Variants in WDPCP observed in about 807,000 individuals in gnomAD.
WDPCP encodes WD repeat-containing and planar cell polarity effector protein fritz homolog.
In WDPCP, 71 loss-of-function variants were observed where a neutral mutation model predicts 93.1. The ratio of observed to expected loss-of-function variants is 0.76; its 90% CI spans 0.63 to 0.93. The LOEUF (loss-of-function observed/expected upper bound fraction) is 0.93. Ranked by LOEUF, WDPCP falls within the 40% of genes least tolerant of loss-of-function variation. WDPCP has a pLI of 0.00. For synonymous variants in WDPCP, 315 were observed against 315.0 expected (o/e 1.00, Z 0.00); for missense variants, 844 against 887.4 (o/e 0.95, Z 0.62).
At chr2:63,359,979 C>G (rs1690319035) in intron 12 of WDPCP, 1 of 152,296 alleles carries the variant, frequency 6.6e-6, no homozygotes, top group African/African-American at 2.4e-5. Flanking sequence ...ACTCGGGAGG[C>G]TGAGGCAGAA....
At chr2:63,242,735 C>A (rs1364048371) in intron 14 of WDPCP, among the ~76,000 whole-genome samples, 2 of 152,150 alleles carry the variant, frequency 1.3e-5, no homozygotes, top group African/African-American at 2.4e-5. Context: ...TGCATAATCA[C>A]CCCAGACTTT....
At chr2:63,402,477 TAAAATA>T (rs766560585) in intron 10 of WDPCP, among the ~76,000 whole-genome samples, 88 of 151,762 alleles carry the variant, frequency 5.8e-4, no homozygotes, top group Middle Eastern at 3.4e-3. Flanking sequence ...GAACTTAAAG[TAAAATA>T]AAAATAAAAA....
At chr2:63,402,240 C>T (rs1694203864) in intron 10 of WDPCP, among the ~76,000 whole-genome samples, 1 of 152,144 alleles carries the variant, frequency 6.6e-6, no homozygotes, top group Admixed American at 6.5e-5. Context: ...ATCACATTTT[C>T]TCATTCATAA....
At chr2:63,361,042 C>T (rs919106035) in intron 12 of WDPCP, among the ~76,000 whole-genome samples, 1 of 152,204 alleles carries the variant, frequency 6.6e-6, no homozygotes, top group Non-Finnish European at 1.5e-5. Context: ...GCATGTCCGT[C>T]TTCCAGCCGC....
At chr2:63,250,674 T>C (rs1462891053) in intron 14 of WDPCP, among the ~76,000 whole-genome samples, 3 of 152,200 alleles carry the variant, frequency 2.0e-5, no homozygotes, top group Non-Finnish European at 4.4e-5. Context: ...GAGGGTTGTA[T>C]GGTCAAAATT....
At chr2:63,354,204 C>T (rs1045726200) in intron 12 of WDPCP, among the ~76,000 whole-genome samples, 1 of 152,192 alleles carries the variant, frequency 6.6e-6, no homozygotes, top group Non-Finnish European at 1.5e-5. Flanking sequence ...TGTCACCAGA[C>T]AAGGAACCCC....
At chr2:63,797,724 T>C (rs1670636743) in intron 2 of WDPCP, among the ~76,000 whole-genome samples, 2 of 151,910 alleles carry the variant, frequency 1.3e-5, no homozygotes, top group East Asian at 1.9e-4. Context: ...GTTACTGGCC[T>C]TGAAGAAATA....
At chr2:63,354,873 G>T (rs1328330177) in intron 12 of WDPCP, among the ~76,000 whole-genome samples, 4 of 152,150 alleles carry the variant, frequency 2.6e-5, no homozygotes, top group Non-Finnish European at 5.9e-5. Context: ...TCGATTATCT[G>T]AAATGACAGT....
intron 2 of WDPCP, among the ~76,000 whole-genome samples, chr2:63,737,962 T>C (rs1304124254): frequency 6.6e-6 from 1 of 152,154 alleles, no homozygotes; most frequent in Non-Finnish European, 1.5e-5. Context: ...AGAATCAAGC[T>C]TGTTACAACT....
At chr2:63,318,207 A>C (rs1267341395) in intron 12 of WDPCP, among the ~76,000 whole-genome samples, 3 of 152,158 alleles carry the variant, frequency 2.0e-5, no homozygotes, top group Non-Finnish European at 4.4e-5. Context: ...AATCAAAACC[A>C]CAATGAGATA....
intron 4 of WDPCP, among the ~76,000 whole-genome samples, chr2:63,485,477 C>T (rs1700519391): frequency 6.6e-6 from 1 of 151,584 alleles, no homozygotes; most frequent in South Asian, 2.1e-4. Flanking sequence ...CATTAAAGCT[C>T]CACATTTTAA....
chr2:63,179,520 C>T (rs1480952461), intron 14 of WDPCP, among the ~76,000 whole-genome samples: 1 of 151,872 alleles, frequency 6.6e-6, no homozygotes, highest in Non-Finnish European at 1.5e-5. Context: ...CCTTGCTCTT[C>T]CCATTTCACC....
chr2:63,749,331 C>G (rs1558901304), intron 2 of WDPCP, among the ~76,000 whole-genome samples: 1 of 152,096 alleles, frequency 6.6e-6, no homozygotes, highest in Non-Finnish European at 1.5e-5. Context: ...CTACACTTCT[C>G]CAAGATCCCT....
At chr2:63,598,893 T>G (rs1314182223) in intron 3 of WDPCP, among the ~76,000 whole-genome samples, 1 of 127,480 alleles carries the variant, frequency 7.8e-6, no homozygotes, top group Non-Finnish European at 1.6e-5. Context: ...TCAAAAGAGG[T>G]ACCAAAAAAA....
intron 10 of WDPCP, among the ~76,000 whole-genome samples, chr2:63,393,371 A>G (rs1693437024): frequency 6.6e-6 from 1 of 151,150 alleles, no homozygotes; most frequent in African/African-American, 2.4e-5. Context: ...AACATCACAC[A>G]CTGGGGCCTG....
chr2:63,184,161 A>G (rs1281196301), intron 14 of WDPCP, among the ~76,000 whole-genome samples: 3 of 152,104 alleles, frequency 2.0e-5, no homozygotes, highest in South Asian at 2.1e-4. Flanking sequence ...TGTTTCTATC[A>G]TAATGTTAAT....
chr2:63,233,412 C>G (rs1679104598), intron 14 of WDPCP: 1 of 217,406 alleles, frequency 4.6e-6, no homozygotes, highest in South Asian at 8.1e-5. Flanking sequence ...GGGACCAACT[C>G]AAAATTAAGT....
chr2:63,522,451 G>GAAAGACACAC lies in WDPCP; in HGVS notation c.76-29512_76-29511insGTGTGTCTTT, dbSNP rs1553420212. ...TAAAGGAAATCAAGACAGACAGACA[G>GAAAGACACAC]ACAGACACACACACACACACACACA... On this transcript the variant is annotated intron_variant, in intron 1 of 17. Coordinates refer to ENST00000272321, the MANE Select transcript of WDPCP (RefSeq NM_015910.7). Among the ~76,000 whole-genome samples, 124 of 92,060 alleles carry GAAAGACACAC rather than the reference G, an allele frequency of 1.3e-3. 1 individual carries two copies. Among genetic ancestry groups the GAAAGACACAC allele is most frequent in the African/African-American group, 5.7e-3 (122 of 21,300 alleles). 60.4% of individuals were successfully genotyped at this position (92,060 alleles called of 152,430 possible). A position where few individuals can be genotyped will look rare whatever the true frequency, so the allele number is the denominator to read the frequency against.
intron 13 of WDPCP, among the ~76,000 whole-genome samples, chr2:63,285,470 A>G (rs1683925220): frequency 6.6e-6 from 1 of 151,586 alleles, no homozygotes; most frequent in Admixed American, 6.6e-5. Context: ...ATAAAACCCC[A>G]GAGATTATTG....
Sources: allele counts gnomAD v4.1 joint callset (sites outside exome capture counted in the v4.1 genomes callset), GRCh38; gene constraint gnomAD v4.1.1; transcripts MANE v1.5; gene names NCBI Gene and HGNC (gene_info 2026-07-23, HGNC 2026-07-21).